Variants in LRBA observed in about 807,000 individuals in gnomAD.
LRBA encodes the protein LPS responsive beige-like anchor protein, also known as lipopolysaccharide-responsive and beige-like anchor protein.
A neutral mutation model predicts 330.0 loss-of-function variants in LRBA; 176 were observed. That is an observed-to-expected ratio of 0.53 (90% CI 0.47 to 0.60). LRBA has a LOEUF of 0.60. LRBA is among the 20% of genes least tolerant of loss of function. The pLI is 0.00. For synonymous variants in LRBA, 1,230 were observed against 1,193.0 expected (o/e 1.03, Z -0.64); for missense variants, 3,259 against 3,444.8 (o/e 0.95, Z 1.35).
At chr4:150,770,586 TACAC>T (rs34361480) in intron 34 of LRBA, among the ~76,000 whole-genome samples, 119,223 of 147,946 alleles carry the variant, frequency 0.81, 48,734 homozygotes, top group Non-Finnish European at 0.91. Context: ...TATATATATA[TACAC>T]ACACACACAC....
chr4:150,912,353 T>C (rs1017756166), intron 9 of LRBA, among the ~76,000 whole-genome samples: 7 of 152,188 alleles, frequency 4.6e-5, no homozygotes, highest in Admixed American at 1.3e-4. Context: ...GTGAACCCTA[T>C]TGTGAACTGC....
At chr4:150,612,546 A>C (rs2126584014) in intron 37 of LRBA, among the ~76,000 whole-genome samples, 1 of 152,258 alleles carries the variant, frequency 6.6e-6, no homozygotes, top group East Asian at 1.9e-4. Context: ...AGTACTTTCA[A>C]TTTTGAAGCA....
intron 26 of LRBA, among the ~76,000 whole-genome samples, chr4:150,846,581 G>A (rs1334061023): frequency 1.3e-5 from 2 of 151,814 alleles, no homozygotes; most frequent in African/African-American, 2.4e-5. Context: ...AGGATGAGGG[G>A]GTGAGGGGGG....
chr4:150,714,885 G>C (rs569603393), intron 36 of LRBA, among the ~76,000 whole-genome samples: 1 of 152,220 alleles, frequency 6.6e-6, no homozygotes, highest in East Asian at 1.9e-4. Context: ...GTTAAAAACT[G>C]AGACACCAGA....
rs142655006 is a variant in LRBA, at chr4:150,436,833, G to C, written c.6812C>G (p.Ala2271Gly). The stretch of plus-strand genomic sequence containing the variant: ...TGATTCATAACGCTCAGCGAAGAAT[G>C]CTGCTCTTTTTGGGTTCAGAGCTCC... ...PIGALNPKRA[A>G]FFAERYESWE... The change falls in exon 45 of 57, where the codon GCA (alanine) becomes GGA (glycine). Residue 2271 changes from alanine (A) to glycine (G), a missense_variant. Coordinates refer to ENST00000651943, the MANE Select transcript of LRBA (RefSeq NM_001364905.1). 1.8e-5 allele frequency: 29 copies of C among 1,613,666 alleles called. No individual in the cohort carries two copies. The African/African-American group carries it at 3.5e-4, about 19-fold the overall frequency.
intron 34 of LRBA, among the ~76,000 whole-genome samples, chr4:150,776,203 G>T (rs1023317318): frequency 6.6e-6 from 1 of 152,138 alleles, no homozygotes. Flanking sequence ...TATAATCCTA[G>T]CCACTAGGGA....
intron 35 of LRBA, among the ~76,000 whole-genome samples, chr4:150,739,051 T>C (rs1731596149): frequency 6.6e-6 from 1 of 152,124 alleles, no homozygotes; most frequent in Non-Finnish European, 1.5e-5. Flanking sequence ...GATTGAAAAG[T>C]ATAATTTCAG....
intron 34 of LRBA, among the ~76,000 whole-genome samples, chr4:150,776,916 G>A (rs1737418652): frequency 6.6e-6 from 1 of 152,008 alleles, no homozygotes; most frequent in South Asian, 2.1e-4. Flanking sequence ...TGGACAACAG[G>A]TATTTATCCA....
intron 34 of LRBA, among the ~76,000 whole-genome samples, chr4:150,790,761 A>G (rs988578870): frequency 2.0e-5 from 3 of 152,192 alleles, no homozygotes; most frequent in Non-Finnish European, 2.9e-5. Context: ...TTTAAGGTCA[A>G]CTGTTTTTAC....
Position 150,759,063 on chromosome 4 carries a change from C to A in LRBA, c.5645+2720G>T, listed in dbSNP as rs531767875. 2.6e-5 allele frequency among the ~76,000 whole-genome samples: 4 copies of A among 151,690 alleles called. No individual in the cohort carries two copies. The East Asian group carries it at 7.8e-4, about 30-fold the overall frequency. ...TTCCAAGTAGCTGGTACTATAGGCACCTGCCACTATACCAGGCTAATTGTT... is the reference window on the plus strand; with the variant it reads ...TTCCAAGTAGCTGGTACTATAGGCAACTGCCACTATACCAGGCTAATTGTT... On this transcript the variant is annotated intron_variant, in intron 35 of 56. Coordinates refer to ENST00000651943, the MANE Select transcript of LRBA (RefSeq NM_001364905.1).
At chr4:150,580,800 T>C (rs1446064442) in intron 40 of LRBA, 1 of 152,240 alleles carries the variant, frequency 6.6e-6, no homozygotes, top group Admixed American at 6.5e-5. Flanking sequence ...ATAATACATA[T>C]ACTAAAAGCA....
intron 4 of LRBA, among the ~76,000 whole-genome samples, chr4:150,924,836 T>C (rs540874321): frequency 2.0e-5 from 3 of 152,290 alleles, no homozygotes; most frequent in South Asian, 2.1e-4. Flanking sequence ...CCCCTCCCCA[T>C]AGGCAACTAT....
chr4:150,932,012 C>T (rs764252892), intron 2 of LRBA, among the ~76,000 whole-genome samples: 4 of 152,038 alleles, frequency 2.6e-5, no homozygotes, highest in Non-Finnish European at 4.4e-5. Flanking sequence ...GACTTCAAGG[C>T]TACAGTGAGC....
intron 37 of LRBA, among the ~76,000 whole-genome samples, chr4:150,644,475 T>C (rs1157214799): frequency 3.3e-5 from 5 of 152,040 alleles, no homozygotes; most frequent in South Asian, 4.1e-4. Context: ...GCCAAAGAAC[T>C]GTATCCAGAG....
At chr4:150,661,469 C>CAAAAAAAA in intron 37 of LRBA, among the ~76,000 whole-genome samples, 1 of 64,960 alleles carries the variant, frequency 1.5e-5, no homozygotes, top group Non-Finnish European at 3.4e-5. Flanking sequence ...GACTCTGTCT[C>CAAAAAAAA]AAAAAAAAAA....
intron 17 of LRBA, among the ~76,000 whole-genome samples, chr4:150,889,089 C>T (rs190838438): frequency 1.3e-5 from 2 of 152,174 alleles, no homozygotes; most frequent in East Asian, 1.9e-4. Flanking sequence ...TTCCTTCATC[C>T]CTGGGGCAGG....
chr4:150,414,537 C>T (rs997936354), intron 47 of LRBA, among the ~76,000 whole-genome samples: 1 of 152,038 alleles, frequency 6.6e-6, no homozygotes, highest in African/African-American at 2.4e-5. Context: ...GTCACCCAGG[C>T]TGGAGTACAA....
intron 2 of LRBA, among the ~76,000 whole-genome samples, chr4:150,984,968 A>G (rs1741268031): frequency 1.3e-5 from 2 of 152,216 alleles, no homozygotes; most frequent in African/African-American, 2.4e-5. Context: ...GCATTTTTAA[A>G]TAAGTCTTAA....
chr4:150,435,672 C>G lies in LRBA; in HGVS notation c.6958G>C (p.Gly2320Arg). The change falls in exon 46 of 57, where the codon GGC becomes CGC. Residue 2320 changes from glycine (G) to arginine (R), a missense_variant. By Grantham distance (125) the Gly-to-Arg change is moderately radical. Coordinates refer to ENST00000651943, the MANE Select transcript of LRBA (RefSeq NM_001364905.1). Reference protein sequence around the residue: ...FTTYFLNLQGGKFDHADRTFS... With the variant: ...FTTYFLNLQGRKFDHADRTFS... ...GTTCGATCTGCATGATCAAATTTGC[C>G]TCCTTGCAAATTTAGGAAATAAGTT... is the stretch of plus-strand genomic sequence containing the variant. 1 of 1,611,240 alleles carries G rather than the reference C, an allele frequency of 6.2e-7. No homozygotes were observed. The highest frequency in any genetic ancestry group is 8.5e-7 in the Non-Finnish European group (1 of 1,178,846).
Sources: allele counts gnomAD v4.1 joint callset (sites outside exome capture counted in the v4.1 genomes callset), GRCh38; gene constraint gnomAD v4.1.1; transcripts MANE v1.5; gene names NCBI Gene and HGNC (gene_info 2026-07-23, HGNC 2026-07-21).